GAB2: variants seen among roughly 807,000 people sequenced by gnomAD.
GAB2 encodes the protein GRB2 associated binding protein 2.
GAB2 carries 26 observed loss-of-function variants against 65.5 expected under a neutral mutation model. That is an observed-to-expected ratio of 0.40 (90% confidence interval 0.29 to 0.55). The LOEUF (loss-of-function observed/expected upper bound fraction) is 0.55. GAB2 is among the 20% of genes least tolerant of loss of function. GAB2 has a pLI of 0.53. For synonymous variants in GAB2, 321 were observed against 329.6 expected, an observed-to-expected ratio of 0.97 and a Z score of 0.28; for missense variants, 884 against 875.8, an observed-to-expected ratio of 1.01 and a Z score of -0.12.
intron 2 of GAB2, among the ~76,000 whole-genome samples, chr11:78,265,570 G>C (rs1034177134): frequency 6.6e-6 from 1 of 152,112 alleles, no homozygotes; most frequent in Non-Finnish European, 1.5e-5. Flanking sequence ...GGGCCGAGGA[G>C]GTAGCAAATA....
chr11:78,228,467 G>C (rs1201020419), intron 3 of GAB2, among the ~76,000 whole-genome samples: 1 of 152,178 alleles, frequency 6.6e-6, no homozygotes, highest in Non-Finnish European at 1.5e-5. Flanking sequence ...ACTTGTTGGG[G>C]CTGTAATACA....
At chr11:78,293,441 T>C (rs1048494041) in intron 1 of GAB2, among the ~76,000 whole-genome samples, 1 of 152,140 alleles carries the variant, frequency 6.6e-6, no homozygotes, top group African/African-American at 2.4e-5. Flanking sequence ...TGCTTCTGTT[T>C]TGGGGGAAAA....
At chr11:78,398,041 C>CACACACAT (rs57095813) in intron 1 of GAB2, among the ~76,000 whole-genome samples, 22 of 151,404 alleles carry the variant, frequency 1.5e-4, no homozygotes, top group African/African-American at 5.1e-4. Flanking sequence ...CACACACACA[C>CACACACAT]ATCCCTGGCC....
intron 2 of GAB2, among the ~76,000 whole-genome samples, chr11:78,274,941 T>A (rs745313014): frequency 6.6e-6 from 1 of 152,246 alleles, no homozygotes; most frequent in African/African-American, 2.4e-5. Flanking sequence ...TCCCGTGTTC[T>A]AGCTGTGTGA....
intron 2 of GAB2, among the ~76,000 whole-genome samples, chr11:78,274,528 G>A (rs1866112897): frequency 6.6e-6 from 1 of 152,166 alleles, no homozygotes; most frequent in African/African-American, 2.4e-5. Context: ...GCAGAAGCAT[G>A]GGGTGAGAAC....
At chr11:78,329,229 GT>G (rs1855875226) in intron 1 of GAB2, among the ~76,000 whole-genome samples, 1 of 152,080 alleles carries the variant, frequency 6.6e-6, no homozygotes, top group Non-Finnish European at 1.5e-5. Context: ...CATTTTTGGG[GT>G]TTTGTGTCTG....
rs746485107 is a variant in GAB2 at position 78,417,739 on chromosome 11, C to G, written c.-19G>C. The G allele has an allele frequency of 4.8e-6, 6 of 1,241,222 alleles. No homozygotes were observed. In the East Asian group the frequency reaches 2.7e-4, roughly 56 times the overall value. 76.9% of individuals were successfully genotyped at this position (1,241,222 alleles called of 1,614,324 possible). A position where few individuals can be genotyped will look rare whatever the true frequency, so the allele number is the denominator to read the frequency against. On this transcript the variant is annotated 5_prime_UTR_variant, in exon 1 of 10. Coordinates refer to ENST00000361507, the MANE Select transcript of GAB2 (RefSeq NM_080491.3). ...CGCTCATGCTGCCGGCCTGGAGCCC[C>G]CCGCCGGGTCGCGCGGACGAGGGCG...
chr11:78,259,981 T>G (rs1460098387), intron 2 of GAB2, among the ~76,000 whole-genome samples: 3 of 152,248 alleles, frequency 2.0e-5, no homozygotes, highest in Non-Finnish European at 2.9e-5. Context: ...CCAGATCTGT[T>G]ATTTGTTTTG....
At chr11:78,292,650 C>CA (rs1304617638) in intron 1 of GAB2, among the ~76,000 whole-genome samples, 1 of 152,208 alleles carries the variant, frequency 6.6e-6, no homozygotes, top group Non-Finnish European at 1.5e-5. Flanking sequence ...GCAAACATTA[C>CA]AAGAGTACAG....
At chr11:78,296,156 T>C (rs570301362) in intron 1 of GAB2, among the ~76,000 whole-genome samples, 3 of 152,258 alleles carry the variant, frequency 2.0e-5, no homozygotes, top group African/African-American at 7.2e-5. Context: ...AGGTGGAGCT[T>C]AGACAGTAAT....
At chr11:78,337,417 C>T (rs981788254) in intron 1 of GAB2, among the ~76,000 whole-genome samples, 1 of 152,102 alleles carries the variant, frequency 6.6e-6, no homozygotes, top group Non-Finnish European at 1.5e-5. Flanking sequence ...GGAAGTAAGG[C>T]AGAATTCCCC....
intron 2 of GAB2, among the ~76,000 whole-genome samples, chr11:78,268,576 A>AG (rs1469382394): frequency 2.0e-5 from 3 of 152,216 alleles, no homozygotes; most frequent in East Asian, 3.9e-4. Context: ...CCAAAAAAGT[A>AG]GGGGGGATCT....
rs565139556 is a variant in GAB2, at chr11:78,360,345, C to T, written c.75+57301G>A. Reference sequence around the variant, plus strand: ...GCATTTTGGGAGGCCAAAGCTGGCACAGTACTTGAGACCAGCCTGGACAAT... The same window carrying T: ...GCATTTTGGGAGGCCAAAGCTGGCATAGTACTTGAGACCAGCCTGGACAAT... On this transcript the variant is annotated intron_variant, in intron 1 of 9. Coordinates refer to ENST00000361507, the MANE Select transcript of GAB2 (RefSeq NM_080491.3). Among the ~76,000 whole-genome samples, 15 of 144,976 alleles carry T rather than the reference C, an allele frequency of 1.0e-4. No individual in the cohort carries two copies. In the South Asian group the frequency reaches 3.3e-3, roughly 31 times the overall value.
At chr11:78,403,477 T>C (rs1857000663) in intron 1 of GAB2, among the ~76,000 whole-genome samples, 1 of 152,148 alleles carries the variant, frequency 6.6e-6, no homozygotes, top group Admixed American at 6.5e-5. Flanking sequence ...GCCAAGAACA[T>C]ACACTGGAAA....
Position 78,346,696 on chromosome 11 carries a change from TA to T in GAB2, c.76-65796del, listed in dbSNP as rs1565168158. Among the ~76,000 whole-genome samples the T allele has an allele frequency of 1.8e-4, 17 of 91,932 alleles. 1 individual carries two copies. The highest frequency in any genetic ancestry group is 7.3e-4 in the Admixed American group (7 of 9,528). The allele number at this position is 91,932 out of a possible 152,430, so 60.3% of individuals were successfully genotyped here. On this transcript the variant is annotated intron_variant, in intron 1 of 9. Transcript: ENST00000361507. ...CTCCATATATATATATATATATATA[TA>T]TATATATATATATATATATATATAA... is the stretch of plus-strand genomic sequence containing the variant.
rs7931650 is a variant in GAB2, at chr11:78,415,504, G to C, written c.75+2142C>G. Among the ~76,000 whole-genome samples, 1,176 of 152,298 alleles carry C rather than the reference G, an allele frequency of 7.7e-3. 12 individuals are homozygous for C. The highest frequency in any genetic ancestry group is 0.027 in the African/African-American group (1,120 of 41,556). Reference sequence around the variant, plus strand: ...TGTAAAGGCATACTGTTCCCCAGAGGCTTAAGGTTACACATATCACCAGTT... The same window carrying C: ...TGTAAAGGCATACTGTTCCCCAGAGCCTTAAGGTTACACATATCACCAGTT... On this transcript the variant is annotated intron_variant, in intron 1 of 9. Transcript: ENST00000361507.
chr11:78,408,115 T>C (rs142722035), intron 1 of GAB2, among the ~76,000 whole-genome samples: 2 of 152,250 alleles, frequency 1.3e-5, no homozygotes, highest in Non-Finnish European at 2.9e-5. Context: ...AGAAAGCACA[T>C]AGTAAACAAA....
chr11:78,356,182 G>GAAA lies in GAB2; in HGVS notation c.75+61461_75+61463dup, dbSNP rs372223300. Among the ~76,000 whole-genome samples, 45 of 123,050 alleles carry GAAA rather than the reference G, an allele frequency of 3.7e-4. 1 individual carries two copies. The highest frequency in any genetic ancestry group is 1.1e-3 in the East Asian group (5 of 4,358). The allele number at this position is 123,050 out of a possible 152,430, so 80.7% of individuals were successfully genotyped here. On this transcript the variant is annotated intron_variant, in intron 1 of 9. Coordinates refer to ENST00000361507, the MANE Select transcript of GAB2 (RefSeq NM_080491.3). ...AGCAAGACTCCATCTCAAAAAAAAA[G>GAAA]AAAAAAAAAAAAAAGACACAGTGGT... is the stretch of plus-strand genomic sequence containing the variant.
intron 1 of GAB2, among the ~76,000 whole-genome samples, chr11:78,369,655 AC>A (rs1856542034): frequency 6.6e-6 from 1 of 152,210 alleles, no homozygotes; most frequent in South Asian, 2.1e-4. Flanking sequence ...TATCTTACAT[AC>A]CAACAAGTTT....
Sources: gnomAD v4.1 joint callset for allele counts (sites outside exome capture counted in the v4.1 genomes callset) on GRCh38, gnomAD v4.1.1 for gene constraint, MANE v1.5 for transcripts, NCBI Gene and HGNC (gene_info 2026-07-23, HGNC 2026-07-21) for gene names.